The following ABHD12 variants were observed in gnomAD, a reference collection of about 807,000 sequenced individuals.
The protein encoded by ABHD12 is abhydrolase domain containing 12, lysophospholipase, also known as lysophosphatidylserine lipase ABHD12.
In ABHD12, 43 loss-of-function variants were observed where a neutral mutation model predicts 58.3. That is an observed-to-expected ratio of 0.74 (90% CI 0.58 to 0.95). The LOEUF is 0.95. ABHD12 is among the 40% of genes least tolerant of loss of function. The pLI, the probability that ABHD12 is intolerant of heterozygous loss-of-function variation, is 0.00. For synonymous variants in ABHD12, 219 were observed against 211.2 expected, an observed-to-expected ratio of 1.04 and a Z score of -0.32; for missense variants, 539 against 537.2, an observed-to-expected ratio of 1.00 and a Z score of -0.03.
intron 2 of ABHD12, chr20:25,338,795 G>A: frequency 1.0e-6 from 1 of 993,904 alleles, no homozygotes; most frequent in South Asian, 4.5e-5. Flanking sequence ...TTTTCCAAGG[G>A]CAGCTAGGCT....
At chr20:25,376,198 T>C (rs1443650918) in intron 1 of ABHD12, among the ~76,000 whole-genome samples, 1 of 152,210 alleles carries the variant, frequency 6.6e-6, no homozygotes, top group Non-Finnish European at 1.5e-5. Context: ...ATCAAAATTG[T>C]TGAGGAAAAG....
chr20:25,390,387 C>T, intron 1 of ABHD12, 126 bp downstream of exon 1: 1 of 962,438 alleles, frequency 1.0e-6, no homozygotes, highest in South Asian at 2.7e-5. Flanking sequence ...CGGACGGGGG[C>T]GGCCGCGGAT....
At chr20:25,331,616 A>T (rs1332402496) in intron 2 of ABHD12, among the ~76,000 whole-genome samples, 2 of 152,150 alleles carry the variant, frequency 1.3e-5, no homozygotes, top group African/African-American at 4.8e-5. Context: ...CTCGGCAGAA[A>T]CTCTACAAGC....
chr20:25,359,381 G>A (rs1244469255), intron 1 of ABHD12, among the ~76,000 whole-genome samples: 2 of 130,548 alleles, frequency 1.5e-5, no homozygotes, highest in Non-Finnish European at 3.1e-5. Context: ...CCGAGATTGC[G>A]CCACTGCACT....
intron 1 of ABHD12, among the ~76,000 whole-genome samples, chr20:25,384,722 G>A (rs2090066084): frequency 6.6e-6 from 1 of 152,124 alleles, no homozygotes; most frequent in Non-Finnish European, 1.5e-5. Flanking sequence ...TCCAGTCCGG[G>A]TGTAGAGCCA....
chr20:25,350,396 T>A (rs2089582257), intron 1 of ABHD12, among the ~76,000 whole-genome samples: 1 of 152,232 alleles, frequency 6.6e-6, no homozygotes, highest in Non-Finnish European at 1.5e-5. Context: ...CAGGTACAGA[T>A]AACTGAATCA....
At chr20:25,295,094 C>T (rs1459548139) in intron 12 of ABHD12, 14 of 1,489,524 alleles carry the variant, frequency 9.4e-6, no homozygotes, top group Admixed American at 6.7e-5. Flanking sequence ...GCTTCTGACT[C>T]GATAGTGAAC....
At chr20:25,312,791 G>A (rs1268890084) in intron 6 of ABHD12, among the ~76,000 whole-genome samples, 52 of 145,240 alleles carry the variant, frequency 3.6e-4, no homozygotes, top group African/African-American at 7.3e-4. Context: ...CTGCCCCGCC[G>A]CCCCGTCTGG....
chr20:25,352,996 T>A (rs1250756867), intron 1 of ABHD12, among the ~76,000 whole-genome samples: 1 of 152,160 alleles, frequency 6.6e-6, no homozygotes, highest in Non-Finnish European at 1.5e-5. Context: ...TGGGCAAGAG[T>A]GAGACTCTGT....
intron 1 of ABHD12, among the ~76,000 whole-genome samples, chr20:25,376,260 C>T (rs572740474): frequency 5.3e-5 from 8 of 152,286 alleles, no homozygotes; most frequent in South Asian, 2.1e-4. Context: ...AAGAGAGTAA[C>T]GCCAAATCTC....
chr20:25,307,447 G>A (rs186086041), intron 9 of ABHD12, among the ~76,000 whole-genome samples: 222 of 152,356 alleles, frequency 1.5e-3, no homozygotes, highest in African/African-American at 4.7e-3. Context: ...GAGAAGGAGG[G>A]GAAAATAACT....
At chr20:25,328,866 G>A (rs1362646988) in intron 2 of ABHD12, among the ~76,000 whole-genome samples, 2 of 152,220 alleles carry the variant, frequency 1.3e-5, no homozygotes, top group African/African-American at 2.4e-5. Flanking sequence ...AGCATCAAGT[G>A]GCATGGGAGG....
At chr20:25,351,597 G>A (rs2089600598) in intron 1 of ABHD12, among the ~76,000 whole-genome samples, 1 of 152,184 alleles carries the variant, frequency 6.6e-6, no homozygotes, top group South Asian at 2.1e-4. Context: ...TGGCCCTTAG[G>A]CTCTAGACTA....
At chr20:25,316,161 C>T (rs4815401) in intron 5 of ABHD12, among the ~76,000 whole-genome samples, 92,665 of 150,562 alleles carry the variant, frequency 0.62, 30,034 homozygotes, top group African/African-American at 0.79. Flanking sequence ...TTCTCTTTTC[C>T]TTTTTTTTTG....
chr20:25,320,315 G>A lies in ABHD12; in HGVS notation c.426C>T (p.His142=). ...PEEDVTIGVW[H]TVPAVWWKNA... ...TCTTCCACCAGACTGCAGGGACGGTGTGCCTGCAGACAGAAGCAGAGGGGA... is the reference window on the plus strand; with the variant it reads ...TCTTCCACCAGACTGCAGGGACGGTATGCCTGCAGACAGAAGCAGAGGGGA... Residue 142 remains histidine (H), a synonymous_variant, in exon 4 of 13, where the codon CAC becomes CAT. Coordinates refer to ENST00000339157, the MANE Select transcript of ABHD12 (RefSeq NM_001042472.3). 1 of 1,613,744 alleles carries A rather than the reference G, an allele frequency of 6.2e-7. No individual in the cohort carries two copies. Among genetic ancestry groups the A allele is most frequent in the Non-Finnish European group, 8.5e-7 (1 of 1,180,036 alleles).
chr20:25,306,872 G>A lies in ABHD12; in HGVS notation c.911C>T (p.Pro304Leu). 6.2e-7 allele frequency: 1 copy of A among 1,612,892 alleles called. No individual in the cohort carries two copies. The highest frequency in any genetic ancestry group is 8.5e-7 in the Non-Finnish European group (1 of 1,179,080). The change falls in exon 10 of 13, where the codon CCT becomes CTT. Residue 304 changes from proline to leucine, a missense_variant. Pro to Leu is a moderately conservative substitution (Grantham distance 98). Transcript: ENST00000339157. ...FPGFDWFFLD[P>L]ITSSGIKFAN... ...AAATTTAATTCCACTACTTGTAATA[G>A]GATCAAGGAAGAACCAGTCAAACCC...
chr20:25,387,377 A>G (rs2090105073), intron 1 of ABHD12, among the ~76,000 whole-genome samples: 1 of 151,990 alleles, frequency 6.6e-6, no homozygotes, highest in South Asian at 2.1e-4. Flanking sequence ...TCTGGCCAAC[A>G]TGGTGAAACC....
intron 1 of ABHD12, among the ~76,000 whole-genome samples, chr20:25,362,372 G>T (rs2089761321): frequency 6.6e-6 from 1 of 151,554 alleles, no homozygotes; most frequent in South Asian, 2.1e-4. Flanking sequence ...TTCAAAACCA[G>T]TCTGGCCAAG....
At chr20:25,299,288 T>C (rs1289075986), downstream of ABHD12, among the ~76,000 whole-genome samples, 2 of 152,104 alleles carry the variant, frequency 1.3e-5, no homozygotes, top group Non-Finnish European at 2.9e-5. Context: ...TCCCACCTAC[T>C]TGGGAGGCAG....
Sources: allele counts gnomAD v4.1 joint callset (sites outside exome capture counted in the v4.1 genomes callset), GRCh38; gene constraint gnomAD v4.1.1; transcripts MANE v1.5; gene names NCBI Gene and HGNC (gene_info 2026-07-23, HGNC 2026-07-21).